Variants in PLXDC1 observed in about 807,000 individuals in gnomAD.
The protein encoded by PLXDC1 is plexin domain containing 1.
A neutral mutation model predicts 61.3 loss-of-function variants in PLXDC1; 39 were observed. The ratio of observed to expected loss-of-function variants is 0.64; its 90% CI spans 0.49 to 0.83. PLXDC1 has a LOEUF of 0.83. Ranked by LOEUF, PLXDC1 falls within the 40% of genes least tolerant of loss-of-function variation. The probability of loss-of-function intolerance (pLI) is 0.00; values close to 1 mark genes in which losing one functional copy is unlikely to be tolerated. For synonymous variants in PLXDC1, 212 were observed against 254.5 expected (o/e 0.83, Z 1.59); for missense variants, 596 against 666.5 (o/e 0.89, Z 1.17).
intron 7 of PLXDC1, among the ~76,000 whole-genome samples, chr17:39,094,447 G>A (rs1276889983): frequency 6.6e-6 from 1 of 151,856 alleles, no homozygotes; most frequent in Non-Finnish European, 1.5e-5. Context: ...CTCAAATGAC[G>A]TCCCCTCCTT....
chr17:39,118,018 C>T (rs750348505), intron 2 of PLXDC1, among the ~76,000 whole-genome samples: 4 of 152,126 alleles, frequency 2.6e-5, no homozygotes, highest in Non-Finnish European at 5.9e-5. Context: ...CTATTGCCAC[C>T]TACCCGCGGC....
chr17:39,096,837 T>C (rs1409652161), intron 7 of PLXDC1: 2 of 452,780 alleles, frequency 4.4e-6, no homozygotes, highest in African/African-American at 2.0e-5. Flanking sequence ...GGAAATAATA[T>C]TGACTTCCGG....
intron 8 of PLXDC1, among the ~76,000 whole-genome samples, chr17:39,086,859 C>CAAAAAAA (rs765774886): frequency 0.025 from 1,747 of 71,280 alleles, 118 homozygotes; most frequent in Non-Finnish European, 0.033. Flanking sequence ...GAGACTGTCT[C>CAAAAAAA]AAAAAAAAAA....
At chr17:39,121,662 C>A (rs929383716) in intron 2 of PLXDC1, among the ~76,000 whole-genome samples, 1 of 152,184 alleles carries the variant, frequency 6.6e-6, no homozygotes. Flanking sequence ...CTCCCAATAA[C>A]CACTCTCTCC....
At chr17:39,129,379 G>A (rs1047692623) in intron 2 of PLXDC1, among the ~76,000 whole-genome samples, 1 of 150,336 alleles carries the variant, frequency 6.7e-6, no homozygotes, top group African/African-American at 2.5e-5. Flanking sequence ...AGCACTTTGG[G>A]AGGCTGAGGT....
At chr17:39,096,157 AT>A (rs1174228244) in intron 7 of PLXDC1, among the ~76,000 whole-genome samples, 1 of 152,238 alleles carries the variant, frequency 6.6e-6, no homozygotes, top group African/African-American at 2.4e-5. Flanking sequence ...AAAAGTCTTC[AT>A]GCATTCTTTT....
intron 2 of PLXDC1, among the ~76,000 whole-genome samples, chr17:39,114,989 T>G (rs1009198926): frequency 6.6e-6 from 1 of 152,224 alleles, no homozygotes; most frequent in African/African-American, 2.4e-5. Flanking sequence ...CCGCCTCAGC[T>G]AAGACTGCAA....
chr17:39,080,537 G>A (rs1909516988), intron 9 of PLXDC1: 1 of 152,274 alleles, frequency 6.6e-6, no homozygotes, highest in Admixed American at 6.5e-5. Flanking sequence ...GAGGGGAGGG[G>A]AGCAGAGAAC....
chr17:39,095,671 G>A (rs893620342), intron 7 of PLXDC1, among the ~76,000 whole-genome samples: 31 of 150,126 alleles, frequency 2.1e-4, no homozygotes, highest in African/African-American at 9.8e-5. Flanking sequence ...GTTTTGTTTT[G>A]TTTTTGTTTT....
intron 11 of PLXDC1, among the ~76,000 whole-genome samples, chr17:39,077,161 C>G (rs1909371742): frequency 2.0e-5 from 3 of 152,164 alleles, no homozygotes. Flanking sequence ...AGCCACTGTG[C>G]CTGGCCGAGA....
In PLXDC1 at chr17:39,065,384, C is replaced by A. The variant is rs925650539; in HGVS notation, c.*2456G>T. ...AGGATCCCTGACAATGTAAGCATTT[C>A]TTTTTCCGTTCTTTTTTTTTTTTTT... On this transcript the variant is annotated 3_prime_UTR_variant, in exon 14 of 14. Transcript: ENST00000315392. 1.4e-5 allele frequency: 2 copies of A among 140,588 alleles called. No individual in the cohort carries two copies. Among genetic ancestry groups the A allele is most frequent in the South Asian group, 2.2e-4 (1 of 4,446 alleles). 8.7% of individuals were successfully genotyped at this position (140,588 alleles called of 1,614,324 possible).
intron 12 of PLXDC1, 172 bp downstream of exon 12, chr17:39,072,278 G>A (rs1909149233): frequency 4.7e-5 from 30 of 640,186 alleles, no homozygotes; most frequent in East Asian, 3.8e-4. Context: ...TAGGGCACCT[G>A]TGCCCAGAAG....
chr17:39,111,576 C>T (rs912298688), intron 2 of PLXDC1, among the ~76,000 whole-genome samples: 23 of 152,174 alleles, frequency 1.5e-4, no homozygotes, highest in Admixed American at 1.2e-3. Context: ...TGAGCCACTG[C>T]GCCTAGCCAA....
chr17:39,079,306 C>T (rs888648894), intron 9 of PLXDC1, 142 bp from the exon 10 acceptor site: 3 of 695,106 alleles, frequency 4.3e-6, no homozygotes, highest in African/African-American at 3.5e-5. Flanking sequence ...CTCCCATTCC[C>T]TCTACTTCCC....
chr17:39,097,967 G>A (rs1910278079), intron 7 of PLXDC1, among the ~76,000 whole-genome samples: 1 of 150,812 alleles, frequency 6.6e-6, no homozygotes, highest in Admixed American at 6.6e-5. Context: ...CACTTTGGGA[G>A]GCCAAGGTGG....
At chr17:39,103,845 CAAAA>C (rs11370520) in intron 7 of PLXDC1, among the ~76,000 whole-genome samples, 2 of 116,586 alleles carry the variant, frequency 1.7e-5, no homozygotes, top group Non-Finnish European at 1.7e-5. Flanking sequence ...GACTCTGTCT[CAAAA>C]AAAAAAAAAA....
At position 39,092,006 on chromosome 17, in the gene PLXDC1, A is replaced by G. The variant is rs565772128; in HGVS notation, c.812-4304T>C. On this transcript the variant is annotated intron_variant, in intron 7 of 13. Transcript: ENST00000315392. ...AATCAAGTTGTCTTGCCATTCATTCATAAGTGGGGAAACTGAGGTTCAGAC... is the reference window on the plus strand; with the variant it reads ...AATCAAGTTGTCTTGCCATTCATTCGTAAGTGGGGAAACTGAGGTTCAGAC... 6.5e-4 allele frequency among the ~76,000 whole-genome samples: 99 copies of G among 151,502 alleles called. 1 individual carries two copies. Among genetic ancestry groups the G allele is most frequent in the Non-Finnish European group, 1.1e-3 (72 of 67,914 alleles).
In PLXDC1 at chr17:39,066,180, T is replaced by C. The variant is rs1598179543; in HGVS notation, c.*1660A>G. 6.6e-6 allele frequency: 1 copy of C among 152,358 alleles called. No individual in the cohort carries two copies. 9.4% of individuals were successfully genotyped at this position (152,358 alleles called of 1,614,324 possible). A position where few individuals can be genotyped will look rare whatever the true frequency, so the allele number is the denominator to read the frequency against. ...CAGGCAAGTCCTGCCTTTGGAGGTA[T>C]GTACAGGCACTGACATCAGAACAGG... On this transcript the variant is annotated 3_prime_UTR_variant, in exon 14 of 14. Coordinates refer to ENST00000315392, the MANE Select transcript of PLXDC1 (RefSeq NM_020405.5).
At chr17:39,125,875 T>C (rs1160073635) in intron 2 of PLXDC1, among the ~76,000 whole-genome samples, 1 of 152,200 alleles carries the variant, frequency 6.6e-6, no homozygotes, top group Admixed American at 6.5e-5. Context: ...AATACTACTG[T>C]GATGAACTTG....
Sources: allele counts gnomAD v4.1 joint callset (sites outside exome capture counted in the v4.1 genomes callset), GRCh38; gene constraint gnomAD v4.1.1; transcripts MANE v1.5; gene names NCBI Gene and HGNC (gene_info 2026-07-23, HGNC 2026-07-21).